Variants in CADM2 observed in about 807,000 individuals in gnomAD.
CADM2 encodes the protein cell adhesion molecule 2.
Under a neutral mutation model 49.8 loss-of-function variants are expected in CADM2, and 12 were observed. The observed-to-expected ratio is 0.24, with a 90% CI of 0.15 to 0.39. The LOEUF is 0.39. Ranked by LOEUF, CADM2 falls within the 10% of genes least tolerant of loss-of-function variation. The probability of loss-of-function intolerance (pLI) is 1.00; values close to 1 mark genes in which losing one functional copy is unlikely to be tolerated. For missense variants in CADM2, 378 were observed against 492.3 expected, an observed-to-expected ratio of 0.77 and a Z score of 2.20; for synonymous variants, 214 against 175.4, an observed-to-expected ratio of 1.22 and a Z score of -1.74.
intron 1 of CADM2, among the ~76,000 whole-genome samples, chr3:85,296,093 A>G (rs1287718132): frequency 1.3e-5 from 2 of 152,056 alleles, no homozygotes; most frequent in Non-Finnish European, 2.9e-5. Context: ...ACTTGATATT[A>G]TAATATTTAA....
chr3:85,829,653 T>C (rs1317637378), intron 3 of CADM2, among the ~76,000 whole-genome samples: 1 of 151,990 alleles, frequency 6.6e-6, no homozygotes, highest in African/African-American at 2.4e-5. Flanking sequence ...GTTTCTATTC[T>C]TTGACTGACA....
intron 1 of CADM2, among the ~76,000 whole-genome samples, chr3:85,427,867 T>G (rs2326309): frequency 0.56 from 85,773 of 151,880 alleles, 25,253 homozygotes; most frequent in East Asian, 0.83. Context: ...TTTTCAGTCC[T>G]TATACGTGAA....
intron 1 of CADM2, among the ~76,000 whole-genome samples, chr3:84,981,541 T>A (rs2032182532): frequency 6.6e-6 from 1 of 152,106 alleles, no homozygotes; most frequent in South Asian, 2.1e-4. Flanking sequence ...TTGGATCCCC[T>A]ATAGCTATAA....
chr3:85,809,926 A>G (rs933132941), intron 3 of CADM2, among the ~76,000 whole-genome samples: 4 of 151,820 alleles, frequency 2.6e-5, no homozygotes, highest in Non-Finnish European at 4.4e-5. Context: ...TCTCATATGT[A>G]TTAGTAAATT....
chr3:84,982,905 C>G (rs2032296564), intron 1 of CADM2, among the ~76,000 whole-genome samples: 1 of 150,324 alleles, frequency 6.7e-6, no homozygotes, highest in Non-Finnish European at 1.5e-5. Context: ...GCCACCATGC[C>G]CAGCTAATTT....
chr3:85,012,017 T>A, intron 1 of CADM2, among the ~76,000 whole-genome samples: 1 of 152,010 alleles, frequency 6.6e-6, no homozygotes, highest in East Asian at 1.9e-4. Flanking sequence ...TTCCACACTT[T>A]ATTTAAACTA....
chr3:85,215,357 TTAAAAA>T lies in CADM2; in HGVS notation c.61+255690_61+255695del, dbSNP rs1278940199. 7.0e-4 allele frequency among the ~76,000 whole-genome samples: 80 copies of T among 114,386 alleles called. 1 individual carries two copies. Among genetic ancestry groups the T allele is most frequent in the African/African-American group, 2.4e-3 (70 of 29,158 alleles). 75.0% of individuals were successfully genotyped at this position (114,386 alleles called of 152,430 possible). On this transcript the variant is annotated intron_variant, in intron 1 of 9. Coordinates refer to ENST00000383699, the MANE Select transcript of CADM2 (RefSeq NM_001167675.2). ...TTGCAACACCAAAGTTCTCTCTTTT[TTAAAAA>T]AAAAAAAAAAAAAAAAAAAGAAAAA...
At chr3:85,686,511 A>G (rs993587645) in intron 1 of CADM2, among the ~76,000 whole-genome samples, 35 of 152,356 alleles carry the variant, frequency 2.3e-4, no homozygotes, top group Admixed American at 1.7e-3. Context: ...AATTAATATT[A>G]GAGGATTAGC....
intron 1 of CADM2, among the ~76,000 whole-genome samples, chr3:84,989,539 A>G (rs2032767657): frequency 1.3e-5 from 2 of 152,014 alleles, no homozygotes; most frequent in Non-Finnish European, 2.9e-5. Context: ...GTTTTTCTGT[A>G]GTATTTATGT....
chr3:85,218,461 G>A (rs2041978666), intron 1 of CADM2, among the ~76,000 whole-genome samples: 1 of 152,074 alleles, frequency 6.6e-6, no homozygotes. Context: ...GGCCTTTAGA[G>A]ATGATTAAGA....
At chr3:85,657,738 A>G (rs1313539890) in intron 1 of CADM2, among the ~76,000 whole-genome samples, 2 of 127,156 alleles carry the variant, frequency 1.6e-5, no homozygotes, top group African/African-American at 5.3e-5. Context: ...AGATATATAT[A>G]TACAGATATA....
intron 1 of CADM2, among the ~76,000 whole-genome samples, chr3:85,665,515 A>G (rs888801181): frequency 2.0e-5 from 3 of 151,988 alleles, no homozygotes; most frequent in Non-Finnish European, 2.9e-5. Flanking sequence ...CTTTCAAGTT[A>G]AAGTGGATGG....
chr3:85,125,328 C>T (rs893248682), intron 1 of CADM2, among the ~76,000 whole-genome samples: 4 of 151,088 alleles, frequency 2.6e-5, no homozygotes, highest in African/African-American at 9.7e-5. Flanking sequence ...GCAGATATGA[C>T]AACAAATTTT....
At chr3:85,995,823 C>CTG in intron 8 of CADM2, among the ~76,000 whole-genome samples, 1 of 152,132 alleles carries the variant, frequency 6.6e-6, no homozygotes, top group East Asian at 1.9e-4. Context: ...GGCACAGTGT[C>CTG]TCACGCCTGT....
intron 1 of CADM2, among the ~76,000 whole-genome samples, chr3:85,343,152 AT>A (rs531568551): frequency 3.3e-4 from 51 of 152,292 alleles, no homozygotes; most frequent in African/African-American, 1.2e-3. Flanking sequence ...GCTGTTACAC[AT>A]TGCACGATGT....
At chr3:84,968,391 A>C (rs2031170960) in intron 1 of CADM2, among the ~76,000 whole-genome samples, 1 of 152,214 alleles carries the variant, frequency 6.6e-6, no homozygotes, top group South Asian at 2.1e-4. Flanking sequence ...TTAATTATGC[A>C]CGTGTCCTCA....
intron 1 of CADM2, among the ~76,000 whole-genome samples, chr3:85,363,224 T>A (rs1368749): frequency 0.32 from 49,278 of 152,224 alleles, 8,283 homozygotes; most frequent in South Asian, 0.39. Context: ...GTTTTACATA[T>A]GGTCATTTCA....
At chr3:85,629,701 G>A (rs555749861) in intron 1 of CADM2, among the ~76,000 whole-genome samples, 14 of 151,956 alleles carry the variant, frequency 9.2e-5, no homozygotes, top group African/African-American at 3.4e-4. Flanking sequence ...CTTTCTCAAG[G>A]TAATCTTTTA....
intron 1 of CADM2, among the ~76,000 whole-genome samples, chr3:85,690,379 C>T (rs2066345478): frequency 6.6e-6 from 1 of 151,868 alleles, no homozygotes; most frequent in African/African-American, 2.4e-5. Flanking sequence ...ATGTAGTTAA[C>T]AGAGTTCTGG....
Sources: gnomAD v4.1 joint callset for allele counts (sites outside exome capture counted in the v4.1 genomes callset) on GRCh38, gnomAD v4.1.1 for gene constraint, MANE v1.5 for transcripts, NCBI Gene and HGNC (gene_info 2026-07-23, HGNC 2026-07-21) for gene names.